The following USH2A variants were observed in gnomAD, a reference collection of about 807,000 sequenced individuals.
The protein encoded by USH2A is usherin.
Under a neutral mutation model 538.9 loss-of-function variants are expected in USH2A, and 443 were observed. That is an observed-to-expected ratio of 0.82 (90% CI 0.76 to 0.89). The LOEUF is 0.89. Among genes scored for constraint, USH2A ranks in the 40% least tolerant of loss-of-function variants. USH2A has a pLI of 0.00. For missense variants in USH2A, 6,633 were observed against 6,324.8 expected (o/e 1.05, Z -1.65); for synonymous variants, 2,413 against 2,273.5 (o/e 1.06, Z -1.75).
intron 9 of USH2A, among the ~76,000 whole-genome samples, chr1:216,303,460 T>C (rs979263183): frequency 6.6e-6 from 1 of 151,964 alleles, no homozygotes; most frequent in South Asian, 2.1e-4. Flanking sequence ...TGATGTTTTT[T>C]AATATTTAAG....
chr1:215,996,717 A>T (rs189239211), intron 34 of USH2A, among the ~76,000 whole-genome samples: 95 of 152,066 alleles, frequency 6.2e-4, no homozygotes, highest in African/African-American at 2.1e-3. Flanking sequence ...GTGATCATTC[A>T]TTCAGGAATT....
intron 61 of USH2A, among the ~76,000 whole-genome samples, chr1:215,722,551 A>C (rs963678471): frequency 6.6e-6 from 1 of 152,184 alleles, no homozygotes; most frequent in Non-Finnish European, 1.5e-5. Flanking sequence ...TATCTACTTA[A>C]TGGTAAAGAT....
At chr1:215,785,371 G>A (rs1661769418) in intron 52 of USH2A, among the ~76,000 whole-genome samples, 1 of 152,204 alleles carries the variant, frequency 6.6e-6, no homozygotes, top group Non-Finnish European at 1.5e-5. Context: ...CCTGCACCAC[G>A]TGGAGTCTTC....
At chr1:216,130,567 TAATA>T (rs1331960350) in intron 21 of USH2A, among the ~76,000 whole-genome samples, 1 of 143,630 alleles carries the variant, frequency 7.0e-6, no homozygotes, top group African/African-American at 2.5e-5. Context: ...ATATTATATA[TAATA>T]TATAATATAT....
In USH2A at chr1:215,878,794, G is replaced by A. The variant is rs1664836037; in HGVS notation, c.8528C>T (p.Pro2843Leu). 1.9e-6 allele frequency: 3 copies of A among 1,613,944 alleles called. No homozygotes were observed. The highest frequency in any genetic ancestry group is 1.7e-6 in the Non-Finnish European group (2 of 1,179,928). Residue 2843 changes from proline to leucine, a missense_variant, in exon 42 of 72, where the codon CCA becomes CTA. Pro to Leu is a moderately conservative substitution (Grantham distance 98). Coordinates refer to ENST00000307340, the MANE Select transcript of USH2A (RefSeq NM_206933.4). ...SESYVVISWQ[P>L]PSKPNGPNLR... ...ATTAGGTCCATTTGGCTTGGATGGT[G>A]GTTGCCAAGAAATCACAACATATGA... is the stretch of plus-strand genomic sequence containing the variant.
In USH2A at chr1:215,671,263, G is replaced by T. The variant is rs771599386; in HGVS notation, c.13842C>A (p.Thr4614=). 5.6e-6 allele frequency: 9 copies of T among 1,614,040 alleles called. No homozygotes were observed. The highest frequency in any genetic ancestry group is 7.6e-6 in the Non-Finnish European group (9 of 1,179,992). The change falls in exon 64 of 72, where the codon ACC becomes ACA. Residue 4614 remains threonine, a synonymous_variant. Transcript: ENST00000307340. The part of the protein sequence containing the change: ...RYEIRIQACT[T]LGCASSDWTF... ...TCCAGTCACTTGATGCACATCCCAGGGTGGTGCACGCTTGAATTCGTATTT... is the reference window on the plus strand; with the variant it reads ...TCCAGTCACTTGATGCACATCCCAGTGTGGTGCACGCTTGAATTCGTATTT...
intron 11 of USH2A, among the ~76,000 whole-genome samples, chr1:216,275,209 G>A (rs1334452660): frequency 3.3e-5 from 5 of 151,966 alleles, no homozygotes; most frequent in Admixed American, 3.3e-4. Context: ...ATGTGTAAAA[G>A]ATGCAGGTAA....
chr1:215,985,986 T>C (rs1368970853), intron 35 of USH2A, among the ~76,000 whole-genome samples: 1 of 152,222 alleles, frequency 6.6e-6, no homozygotes, highest in Non-Finnish European at 1.5e-5. Flanking sequence ...TGTTCACATA[T>C]AAATTCTCAC....
rs982618189 is a variant in USH2A at position 216,364,877 on chromosome 1, ATAT to A, written c.784+73_784+75del. Reference sequence around the variant, plus strand: ...GATGAATACACGTAGATATTTTAAAATATTATTTGTTTGATGCATTTTTAAGAA... The same window carrying A: ...GATGAATACACGTAGATATTTTAAAATATTTGTTTGATGCATTTTTAAGAA... On this transcript the variant is annotated intron_variant, in intron 4 of 71. Transcript: ENST00000307340. 3.2e-6 allele frequency: 5 copies of A among 1,576,654 alleles called. No individual in the cohort carries two copies. In the African/African-American group the frequency reaches 5.4e-5, roughly 17 times the overall value.
In USH2A at chr1:215,805,819, A is replaced by C. The variant is rs184253846; in HGVS notation, c.9740-6694T>G. ...ATACTTTGGCTCAGAAAAAAAGAAA[A>C]AAAATTCAGACCACATTAACAGCTT... On this transcript the variant is annotated intron_variant, in intron 49 of 71. Transcript: ENST00000307340. Among the ~76,000 whole-genome samples the C allele has an allele frequency of 3.9e-3, 577 of 149,730 alleles. 7 individuals carry two copies. The highest frequency in any genetic ancestry group is 0.014 in the African/African-American group (560 of 39,258).
At chr1:215,891,635 A>G (rs961184372) in intron 40 of USH2A, among the ~76,000 whole-genome samples, 1 of 152,238 alleles carries the variant, frequency 6.6e-6, no homozygotes, top group East Asian at 1.9e-4. Flanking sequence ...CATGGATGAA[A>G]TGACATGAAA....
rs746527377 is a variant in USH2A at position 216,086,864 on chromosome 1, T to C, written c.4886-44A>G. ...GAAATACACCTTCACCAGGATACTC[T>C]AGTTTTACTAGCTCAGCAAATAATA... On this transcript the variant is annotated intron_variant, in intron 23 of 71. Coordinates refer to ENST00000307340, the MANE Select transcript of USH2A (RefSeq NM_206933.4). 17 of 1,429,370 alleles carry C rather than the reference T, an allele frequency of 1.2e-5. No individual in the cohort carries two copies. In the East Asian group the frequency reaches 2.5e-4, roughly 21 times the overall value. The allele number at this position is 1,429,370 out of a possible 1,614,324, so 88.5% of individuals were successfully genotyped here.
chr1:215,783,911 C>T (rs1374201061), intron 52 of USH2A, among the ~76,000 whole-genome samples: 2 of 152,154 alleles, frequency 1.3e-5, no homozygotes, highest in Non-Finnish European at 2.9e-5. Flanking sequence ...GAGAGACATT[C>T]TCCTTATATA....
At chr1:216,112,112 A>T (rs1288600734) in intron 21 of USH2A, among the ~76,000 whole-genome samples, 8 of 152,246 alleles carry the variant, frequency 5.3e-5, no homozygotes, top group African/African-American at 1.9e-4. Context: ...TGAATAACAA[A>T]ATCTCCATTG....
intron 43 of USH2A, among the ~76,000 whole-genome samples, chr1:215,872,419 T>C (rs1664646951): frequency 6.6e-6 from 1 of 152,198 alleles, no homozygotes; most frequent in African/African-American, 2.4e-5. Flanking sequence ...TGAGTGAAAC[T>C]TGAAGCTGTT....
rs939829470 is a variant in USH2A at position 215,714,106 on chromosome 1, A to G, written c.12066+13924T>C. Among the ~76,000 whole-genome samples, 4 of 152,274 alleles carry G rather than the reference A, an allele frequency of 2.6e-5. No homozygotes were observed. The East Asian group carries it at 7.7e-4, about 29-fold the overall frequency. On this transcript the variant is annotated intron_variant, in intron 61 of 71. Transcript: ENST00000307340. ...AGCTTATAAATTGAAATTGGAACAT[A>G]TAAATGATGCTTTCTCAGTTTGATT... is the stretch of plus-strand genomic sequence containing the variant.
Position 216,308,485 on chromosome 1 carries a change from C to G in USH2A, c.1644+13398G>C, listed in dbSNP as rs1445139531. 2.0e-5 allele frequency among the ~76,000 whole-genome samples: 3 copies of G among 152,148 alleles called. No homozygotes were observed. In the East Asian group the frequency reaches 5.8e-4, roughly 29 times the overall value. On this transcript the variant is annotated intron_variant, in intron 9 of 71. Transcript: ENST00000307340. The stretch of plus-strand genomic sequence containing the variant: ...ATATTGACCATTTCAGTTGCCACTT[C>G]TGGCTTCTTCTGTGAATTACTTGTT...
At chr1:215,993,559 T>C (rs981282810) in intron 34 of USH2A, among the ~76,000 whole-genome samples, 1 of 135,924 alleles carries the variant, frequency 7.4e-6, no homozygotes, top group South Asian at 2.3e-4. Context: ...ACACATAACA[T>C]AAGTAAAGTA....
intron 47 of USH2A, among the ~76,000 whole-genome samples, chr1:215,824,362 A>AT (rs932216644): frequency 4.6e-5 from 7 of 151,004 alleles, no homozygotes; most frequent in South Asian, 2.1e-4. Flanking sequence ...ATTTTCTTTC[A>AT]TTTTTTTTAA....
Sources: gnomAD v4.1 joint callset for allele counts (sites outside exome capture counted in the v4.1 genomes callset) on GRCh38, gnomAD v4.1.1 for gene constraint, MANE v1.5 for transcripts, NCBI Gene and HGNC (gene_info 2026-07-23, HGNC 2026-07-21) for gene names.